NOL4: variants seen among roughly 807,000 people sequenced by gnomAD.
The protein encoded by NOL4 is cancer/testis antigen 125.
A neutral mutation model predicts 75.9 loss-of-function variants in NOL4; 17 were observed. That is an observed-to-expected ratio of 0.22 (90% CI 0.15 to 0.34). The LOEUF (loss-of-function observed/expected upper bound fraction) is 0.34. NOL4 is among the 10% of genes least tolerant of loss of function. NOL4 has a pLI of 1.00. For missense variants in NOL4, 614 were observed against 793.5 expected, an observed-to-expected ratio of 0.77 and a Z score of 2.72; for synonymous variants, 292 against 289.9, an observed-to-expected ratio of 1.01 and a Z score of -0.07.
intron 5 of NOL4, among the ~76,000 whole-genome samples, chr18:34,028,318 C>T (rs1286323577): frequency 6.6e-6 from 1 of 152,234 alleles, no homozygotes; most frequent in Non-Finnish European, 1.5e-5. Flanking sequence ...GCACCTGATT[C>T]AGAGTGTTCA....
At chr18:33,952,296 A>G (rs913940044) in intron 8 of NOL4, among the ~76,000 whole-genome samples, 4 of 152,174 alleles carry the variant, frequency 2.6e-5, no homozygotes, top group African/African-American at 9.7e-5. Flanking sequence ...ATTTTAATGC[A>G]TTTAGTAAAC....
At chr18:33,953,359 T>C (rs2069388141) in intron 8 of NOL4, among the ~76,000 whole-genome samples, 1 of 152,020 alleles carries the variant, frequency 6.6e-6, no homozygotes, top group African/African-American at 2.4e-5. Flanking sequence ...CAAACCCTAT[T>C]TCTGCCTCTG....
intron 5 of NOL4, among the ~76,000 whole-genome samples, chr18:34,029,660 T>C (rs1045220262): frequency 2.0e-5 from 3 of 152,174 alleles, no homozygotes; most frequent in Admixed American, 2.0e-4. Flanking sequence ...ACACCTGCCA[T>C]GCGAGGAAAC....
chr18:34,005,434 C>T (rs2073981828), intron 6 of NOL4, among the ~76,000 whole-genome samples: 1 of 152,024 alleles, frequency 6.6e-6, no homozygotes, highest in Admixed American at 6.6e-5. Context: ...GGCAACTTCC[C>T]TTATGGCAAC....
At chr18:34,135,132 C>A (rs1600692983) in intron 1 of NOL4, among the ~76,000 whole-genome samples, 1 of 151,900 alleles carries the variant, frequency 6.6e-6, no homozygotes, top group African/African-American at 2.4e-5. Context: ...TATGTGAAAA[C>A]AACTTTTTAA....
chr18:33,978,765 T>C (rs2071705902), intron 6 of NOL4, among the ~76,000 whole-genome samples: 2 of 152,010 alleles, frequency 1.3e-5, no homozygotes, highest in South Asian at 4.1e-4. Flanking sequence ...GTACTTATAA[T>C]ATCTAATATA....
At chr18:34,042,220 A>G (rs905786335) in intron 5 of NOL4, among the ~76,000 whole-genome samples, 1 of 151,986 alleles carries the variant, frequency 6.6e-6, no homozygotes, top group Non-Finnish European at 1.5e-5. Flanking sequence ...ATTCAATCAA[A>G]TATTTGAATA....
chr18:34,196,182 A>G (rs1293431294), intron 1 of NOL4, among the ~76,000 whole-genome samples: 1 of 152,150 alleles, frequency 6.6e-6, no homozygotes, highest in Admixed American at 6.6e-5. Flanking sequence ...TCTCTAGGAC[A>G]CAGATAAACA....
chr18:34,016,918 G>C (rs917346424), intron 6 of NOL4, among the ~76,000 whole-genome samples: 1 of 152,094 alleles, frequency 6.6e-6, no homozygotes, highest in Middle Eastern at 3.2e-3. Flanking sequence ...GTGGCAACTA[G>C]TTTATCCTGC....
intron 6 of NOL4, among the ~76,000 whole-genome samples, chr18:34,011,377 A>G (rs2074364298): frequency 6.6e-6 from 1 of 151,824 alleles, no homozygotes; most frequent in South Asian, 2.1e-4. Context: ...TAACTCTATG[A>G]GTCTAGTATT....
chr18:34,121,714 T>G (rs2080150295), intron 2 of NOL4, among the ~76,000 whole-genome samples: 1 of 152,234 alleles, frequency 6.6e-6, no homozygotes, highest in Non-Finnish European at 1.5e-5. Flanking sequence ...AAGAAACACA[T>G]TTTTCAAAGG....
At chr18:34,101,265 A>G (rs2079031507) in intron 4 of NOL4, among the ~76,000 whole-genome samples, 2 of 152,222 alleles carry the variant, frequency 1.3e-5, no homozygotes, top group South Asian at 4.1e-4. Flanking sequence ...GTAGGGCAGC[A>G]TCAGGTGTTT....
At chr18:33,979,592 G>A (rs1399950477) in intron 6 of NOL4, among the ~76,000 whole-genome samples, 1 of 151,492 alleles carries the variant, frequency 6.6e-6, no homozygotes, top group African/African-American at 2.4e-5. Flanking sequence ...AAATGTTGAG[G>A]AACTTAGAAT....
intron 2 of NOL4, among the ~76,000 whole-genome samples, chr18:34,127,159 A>G (rs1048517671): frequency 2.6e-5 from 4 of 151,954 alleles, no homozygotes; most frequent in African/African-American, 9.6e-5. Context: ...AGATTACAAT[A>G]AAGTTTAAGC....
chr18:34,172,328 T>G (rs2033123698), intron 1 of NOL4, among the ~76,000 whole-genome samples: 1 of 152,122 alleles, frequency 6.6e-6, no homozygotes, highest in Non-Finnish European at 1.5e-5. Flanking sequence ...AAAAATCAAC[T>G]TATACTTCCA....
At chr18:33,876,680 T>TA (rs2063948661) in intron 10 of NOL4, among the ~76,000 whole-genome samples, 1 of 152,100 alleles carries the variant, frequency 6.6e-6, no homozygotes, top group African/African-American at 2.4e-5. Flanking sequence ...AATGCCATTT[T>TA]AAAAAGTCAG....
intron 6 of NOL4, among the ~76,000 whole-genome samples, chr18:33,968,541 A>G (rs562223072): frequency 8.5e-5 from 13 of 152,326 alleles, no homozygotes; most frequent in African/African-American, 2.9e-4. Flanking sequence ...CAAATAGCAC[A>G]TGTCAACACT....
intron 1 of NOL4, among the ~76,000 whole-genome samples, chr18:34,155,860 T>G (rs1158375176): frequency 6.6e-6 from 1 of 152,102 alleles, no homozygotes. Flanking sequence ...ATTATTCTTG[T>G]CATGATTAAA....
chr18:33,985,569 A>C (rs1253931130), intron 6 of NOL4, among the ~76,000 whole-genome samples: 1 of 152,108 alleles, frequency 6.6e-6, no homozygotes, highest in African/African-American at 2.4e-5. Flanking sequence ...ATCGCCTTTT[A>C]GTCACTCCAA....
Sources: allele counts gnomAD v4.1 joint callset (sites outside exome capture counted in the v4.1 genomes callset), GRCh38; gene constraint gnomAD v4.1.1; transcripts MANE v1.5; gene names NCBI Gene and HGNC (gene_info 2026-07-23, HGNC 2026-07-21).